Variants in KCNQ1 observed in about 807,000 individuals in gnomAD.
The protein encoded by KCNQ1 is potassium voltage-gated channel subfamily Q member 1.
KCNQ1 carries 49 observed loss-of-function variants against 72.4 expected under a neutral mutation model. The observed-to-expected ratio is 0.68, with a 90% CI of 0.54 to 0.86. The LOEUF is 0.86. Ranked by LOEUF, KCNQ1 falls within the 40% of genes least tolerant of loss-of-function variation. The probability of loss-of-function intolerance (pLI) is 0.00; values close to 1 mark genes in which losing one functional copy is unlikely to be tolerated. For synonymous variants in KCNQ1, 450 were observed against 412.6 expected (o/e 1.09, Z -1.10); for missense variants, 790 against 945.1 (o/e 0.84, Z 2.15).
chr11:2,551,180 G>A (rs1847977759), intron 2 of KCNQ1, among the ~76,000 whole-genome samples: 1 of 152,128 alleles, frequency 6.6e-6, no homozygotes, highest in South Asian at 2.1e-4. Flanking sequence ...GATGAGTCCT[G>A]GCAAACATTT....
rs1030278059 is a variant in KCNQ1 at position 2,695,945 on chromosome 11, T to C, written c.1514+33864T>C. 2 of 398,532 alleles carry C rather than the reference T, an allele frequency of 5.0e-6. No homozygotes were observed. Among genetic ancestry groups the C allele is most frequent in the Non-Finnish European group, 8.8e-6 (2 of 226,070 alleles). 24.7% of individuals were successfully genotyped at this position (398,532 alleles called of 1,614,324 possible). A position where few individuals can be genotyped will look rare whatever the true frequency, so the allele number is the denominator to read the frequency against. ...GCTTTCTGGTATATTTTAGCTGTTG[T>C]TCCCTCCTCAGCTTTAATTGTTTCA... is the stretch of plus-strand genomic sequence containing the variant. On this transcript the variant is annotated intron_variant, in intron 11 of 15. Coordinates refer to ENST00000155840, the MANE Select transcript of KCNQ1 (RefSeq NM_000218.3). The surrounding 1 kb of genome is among the most constrained non-coding windows in gnomAD (Gnocchi z 5.2).
In KCNQ1 at chr11:2,781,904, C is replaced by T. The variant is rs1179837156; in HGVS notation, c.1794+3867C>T. Among the ~76,000 whole-genome samples the T allele has an allele frequency of 2.0e-5, 3 of 152,058 alleles. No homozygotes were observed. Among genetic ancestry groups the T allele is most frequent in the Admixed American group, 6.5e-5 (1 of 15,282 alleles). On this transcript the variant is annotated intron_variant, in intron 15 of 15. Transcript: ENST00000155840. The surrounding 1 kb of genome is among the most constrained non-coding windows in gnomAD (Gnocchi z 6.6). ...TGACACTCCTTTCACTGCCTCCGGT[C>T]GCAGAATCCAGGCCTCCAGGATGAG... is the stretch of plus-strand genomic sequence containing the variant.
At chr11:2,572,807 C>T (rs199621723) in intron 5 of KCNQ1, 39 bp from the exon 6 acceptor site, 18 of 1,612,650 alleles carry the variant, frequency 1.1e-5, no homozygotes, top group Admixed American at 5.0e-5. Flanking sequence ...TCCCAGCCTG[C>T]GGTTCCTGGA....
intron 11 of KCNQ1, among the ~76,000 whole-genome samples, chr11:2,751,868 G>T (rs113478938): frequency 5.4e-4 from 83 of 152,342 alleles, no homozygotes; most frequent in African/African-American, 1.9e-3. Flanking sequence ...CATGAGGCCC[G>T]GCCAGCTTTG....
intron 1 of KCNQ1, among the ~76,000 whole-genome samples, chr11:2,513,023 C>A (rs179421): frequency 3.3e-5 from 5 of 152,190 alleles, no homozygotes; most frequent in Non-Finnish European, 7.3e-5. Context: ...AGGAAGGAGG[C>A]TGCTCAAGCC....
chr11:2,455,159 G>GC (rs1846169383), intron 1 of KCNQ1, among the ~76,000 whole-genome samples: 1 of 150,262 alleles, frequency 6.7e-6, no homozygotes, highest in Admixed American at 6.6e-5. Context: ...GTGCAGTGAT[G>GC]AGATCTTGGC....
rs1847136862 is a variant in KCNQ1 at position 2,508,202 on chromosome 11, G to A, written c.387-19726G>A. Among the ~76,000 whole-genome samples, 1 of 152,232 alleles carries A rather than the reference G, an allele frequency of 6.6e-6. No homozygotes were observed. Among genetic ancestry groups the A allele is most frequent in the Non-Finnish European group, 1.5e-5 (1 of 68,038 alleles). ...AGGTTTGCAAACACTAGGCATGCAT[G>A]TTTGAGGTACCACAACCTCCACCAA... On this transcript the variant is annotated intron_variant, in intron 1 of 15. Transcript: ENST00000155840. This position sits in a 1 kb window ranked among gnomAD's most constrained non-coding sequence, Gnocchi z 6.2.
At chr11:2,571,442 C>A (rs1316141829) in intron 4 of KCNQ1, 39 bp downstream of exon 4, 1 of 1,540,572 alleles carries the variant, frequency 6.5e-7, no homozygotes, top group Non-Finnish European at 8.9e-7. Flanking sequence ...CATGCCGCCC[C>A]ACCCCGAGCA....
Position 2,674,696 on chromosome 11 carries a change from T to C in KCNQ1, c.1514+12615T>C, listed in dbSNP as rs766318466. 8 of 398,390 alleles carry C rather than the reference T, an allele frequency of 2.0e-5. No individual in the cohort carries two copies. The highest frequency in any genetic ancestry group is 3.1e-5 in the Non-Finnish European group (7 of 226,066). The allele number at this position is 398,390 out of a possible 1,614,324, so 24.7% of individuals were successfully genotyped here. Reference sequence around the variant, plus strand: ...TGAAAAGTTTGTTGAACCTTAAACCTTTCCTGATGACTCCTTCCTTCTGAA... The same window carrying C: ...TGAAAAGTTTGTTGAACCTTAAACCCTTCCTGATGACTCCTTCCTTCTGAA... On this transcript the variant is annotated intron_variant, in intron 11 of 15. Coordinates refer to ENST00000155840, the MANE Select transcript of KCNQ1 (RefSeq NM_000218.3). The surrounding 1 kb of genome is among the most constrained non-coding windows in gnomAD (Gnocchi z 5.9).
At chr11:2,812,157 TG>T (rs1847500698) in intron 15 of KCNQ1, among the ~76,000 whole-genome samples, 1 of 152,202 alleles carries the variant, frequency 6.6e-6, no homozygotes, top group Admixed American at 6.5e-5. Context: ...CCCAGACGGC[TG>T]GTCCCCACAC....
chr11:2,780,083 C>G (rs533443889), intron 15 of KCNQ1, among the ~76,000 whole-genome samples: 30 of 152,280 alleles, frequency 2.0e-4, no homozygotes, highest in African/African-American at 7.2e-4. Context: ...CCTGGGGTCT[C>G]TGAGGTGGTG....
In KCNQ1 at chr11:2,772,170, TC is replaced by T. The variant is rs1457585201; in HGVS notation, c.1590+3255del. 6.6e-6 allele frequency among the ~76,000 whole-genome samples: 1 copy of T among 151,858 alleles called. No homozygotes were observed. Among genetic ancestry groups the T allele is most frequent in the Non-Finnish European group, 1.5e-5 (1 of 67,956 alleles). On this transcript the variant is annotated intron_variant, in intron 12 of 15. Transcript: ENST00000155840. This position sits in a 1 kb window ranked among gnomAD's most constrained non-coding sequence, Gnocchi z 6.6. ...AGGAGCTGTGTGTGGCTCCAGGGGC[TC>T]CCCTAGCCCACCTCTCAGGATGCTT... is the stretch of plus-strand genomic sequence containing the variant.
rs575853954 is a variant in KCNQ1 at position 2,768,978 on chromosome 11, G to T, written c.1590+59G>T. 5.2e-6 allele frequency: 7 copies of T among 1,357,624 alleles called. No homozygotes were observed. The highest frequency in any genetic ancestry group is 3.4e-5 in the Admixed American group (2 of 59,246). 84.1% of individuals were successfully genotyped at this position (1,357,624 alleles called of 1,614,324 possible). ...CTGCCCCTCGCAGCCTGATGCAGCT[G>T]CCCACACCTCTCCTGGGTTCTCTCC... On this transcript the variant is annotated intron_variant, in intron 12 of 15. Coordinates refer to ENST00000155840, the MANE Select transcript of KCNQ1 (RefSeq NM_000218.3). This position sits in a 1 kb window ranked among gnomAD's most constrained non-coding sequence, Gnocchi z 6.7.
chr11:2,804,614 G>A (rs186769160), intron 15 of KCNQ1, among the ~76,000 whole-genome samples: 2 of 152,294 alleles, frequency 1.3e-5, no homozygotes, highest in East Asian at 1.9e-4. Context: ...AGCATAAAGA[G>A]GTGAAAATAG....
At position 2,718,851 on chromosome 11, in the gene KCNQ1, G is replaced by A. The variant is rs182092864; in HGVS notation, c.1515-49993G>A. Among the ~76,000 whole-genome samples, 531 of 152,314 alleles carry A rather than the reference G, an allele frequency of 3.5e-3. 2 individuals are homozygous for A. The highest frequency in any genetic ancestry group is 4.7e-3 in the Non-Finnish European group (318 of 68,024). Reference sequence around the variant, plus strand: ...TGAGAGCTGGCTAGGCAGGCATCCCGGGTCATTACTGGGCCTGTAAGGGCC... The same window carrying A: ...TGAGAGCTGGCTAGGCAGGCATCCCAGGTCATTACTGGGCCTGTAAGGGCC... On this transcript the variant is annotated intron_variant, in intron 11 of 15. Coordinates refer to ENST00000155840, the MANE Select transcript of KCNQ1 (RefSeq NM_000218.3).
rs567392832 is a variant in KCNQ1, at chr11:2,550,186, C to T, written c.478-20442C>T. The stretch of plus-strand genomic sequence containing the variant: ...GGACATCCCGCAGGCAGTGCACGTC[C>T]CTCCCCCGCCTCTCTTTGCCGTTGC... On this transcript the variant is annotated intron_variant, in intron 2 of 15. Transcript: ENST00000155840. The surrounding 1 kb of genome is among the most constrained non-coding windows in gnomAD (Gnocchi z 6.0). Among the ~76,000 whole-genome samples, 1 of 152,224 alleles carries T rather than the reference C, an allele frequency of 6.6e-6. No homozygotes were observed. The highest frequency in any genetic ancestry group is 2.4e-5 in the African/African-American group (1 of 41,462).
In KCNQ1 at chr11:2,772,620, T is replaced by C. The variant is rs1846621270; in HGVS notation, c.1591-3340T>C. ...GGCATTGCTGAGCCTTCTTGGGCTA[T>C]GCCCTACACCAGGTAAGGCTGTGGC... On this transcript the variant is annotated intron_variant, in intron 12 of 15. Coordinates refer to ENST00000155840, the MANE Select transcript of KCNQ1 (RefSeq NM_000218.3). This position sits in a 1 kb window ranked among gnomAD's most constrained non-coding sequence, Gnocchi z 6.6. Among the ~76,000 whole-genome samples, 1 of 152,196 alleles carries C rather than the reference T, an allele frequency of 6.6e-6. No individual in the cohort carries two copies. The highest frequency in any genetic ancestry group is 2.1e-4 in the South Asian group (1 of 4,830).
At position 2,734,381 on chromosome 11, in the gene KCNQ1, G is replaced by A. The variant is rs538316727; in HGVS notation, c.1515-34463G>A. On this transcript the variant is annotated intron_variant, in intron 11 of 15. Transcript: ENST00000155840. The surrounding 1 kb of genome is among the most constrained non-coding windows in gnomAD (Gnocchi z 7.0). ...CAGGGGAGCAATGGATGGGTTGAAT[G>A]AGGAAGCTTCACAGCCCCCCGGCCA... Among the ~76,000 whole-genome samples, 3 of 152,364 alleles carry A rather than the reference G, an allele frequency of 2.0e-5. No homozygotes were observed. The highest frequency in any genetic ancestry group is 4.1e-4 in the South Asian group (2 of 4,826).
intron 2 of KCNQ1, among the ~76,000 whole-genome samples, chr11:2,561,801 C>G (rs1157203723): frequency 6.6e-6 from 1 of 152,200 alleles, no homozygotes; most frequent in Non-Finnish European, 1.5e-5. Flanking sequence ...GTGCAGGGGC[C>G]CAGAAGCCCT....
Sources: allele counts gnomAD v4.1 joint callset (sites outside exome capture counted in the v4.1 genomes callset), GRCh38; gene constraint gnomAD v4.1.1; non-coding constraint Gnocchi (gnomAD v3.1); transcripts MANE v1.5; gene names NCBI Gene and HGNC (gene_info 2026-07-23, HGNC 2026-07-21).